RANBP2: variants seen among roughly 807,000 people sequenced by gnomAD.
The protein encoded by RANBP2 is E3 SUMO-protein ligase RanBP2.
A neutral mutation model predicts 303.6 loss-of-function variants in RANBP2; 57 were observed. The observed-to-expected ratio is 0.19, with a 90% CI of 0.15 to 0.23. RANBP2 has a LOEUF of 0.23. Ranked by LOEUF, RANBP2 falls within the 10% of genes least tolerant of loss-of-function variation. RANBP2 has a pLI of 1.00. For synonymous variants in RANBP2, 1,167 were observed against 1,301.5 expected (o/e 0.90, Z 2.23); for missense variants, 3,138 against 3,780.8 (o/e 0.83, Z 4.46).
the RANBP2 span, among the ~76,000 whole-genome samples, chr2:109,144,535 G>A: frequency 7.0e-3 from 1,070 of 152,340 alleles, 15 homozygotes; most frequent in African/African-American, 0.025. Flanking sequence ...TGAACGAGGT[G>A]AATATGAGGA....
the RANBP2 span, among the ~76,000 whole-genome samples, chr2:109,567,147 T>C: frequency 3.8e-4 from 58 of 152,296 alleles, no homozygotes; most frequent in Non-Finnish European, 5.6e-4. Flanking sequence ...GGTGACATCA[T>C]TTATCCCTCA....
At chr2:108,973,577 C>G in the RANBP2 span, among the ~76,000 whole-genome samples, 1 of 152,134 alleles carries the variant, frequency 6.6e-6, no homozygotes, top group Non-Finnish European at 1.5e-5. Flanking sequence ...CTCCTGGAAT[C>G]CTCAATGACT....
At chr2:109,423,739 T>A in the RANBP2 span, among the ~76,000 whole-genome samples, 1 of 152,110 alleles carries the variant, frequency 6.6e-6, no homozygotes, top group African/African-American at 2.4e-5. Context: ...GGCCCCATGG[T>A]CACCCCTTCC....
At chr2:109,178,646 T>A in the RANBP2 span, among the ~76,000 whole-genome samples, 2 of 152,230 alleles carry the variant, frequency 1.3e-5, no homozygotes, top group Admixed American at 6.5e-5. Flanking sequence ...GGCTTATTTA[T>A]GGATCATGCT....
the RANBP2 span, among the ~76,000 whole-genome samples, chr2:109,078,098 A>ATATATATATAGTGTG: frequency 3.3e-5 from 2 of 60,064 alleles, no homozygotes; most frequent in East Asian, 6.2e-4. Context: ...ATATATATAT[A>ATATATATATAGTGTG]TATATATATA....
chr2:109,623,739 G>T, the RANBP2 span, among the ~76,000 whole-genome samples: 1 of 152,270 alleles, frequency 6.6e-6, no homozygotes, highest in Non-Finnish European at 1.5e-5. Flanking sequence ...GCTTTGGTCC[G>T]TAATCAACCT....
rs1386958915 is a variant in RANBP2 at position 108,731,425 on chromosome 2, A to G, written c.356A>G (p.Glu119Gly). 2.0e-5 allele frequency: 32 copies of G among 1,611,594 alleles called. No homozygotes were observed. Among genetic ancestry groups the G allele is most frequent in the Non-Finnish European group, 2.7e-5 (32 of 1,179,590 alleles). ...VTDGRAKYWL[E>G]RAAKLFPGSP... ...GATGGAAGAGCAAAATACTGGCTTG[A>G]AAGAGCAGCCAAACTTTTCCCAGGA... The change falls in exon 4 of 29, where the codon GAA becomes GGA. Residue 119 changes from glutamate to glycine, a missense_variant. Glu to Gly is a moderately conservative substitution (Grantham distance 98, BLOSUM62 -2). Around this residue, in one of 20 missense-constraint regions of RANBP2, gnomAD observed 306 missense variants for 381.9 expected, o/e 0.80. Transcript: ENST00000283195.
At chr2:108,730,592 C>T (rs920119001) in intron 2 of RANBP2, among the ~76,000 whole-genome samples, 182 bp from the exon 3 acceptor site, 29 of 152,060 alleles carry the variant, frequency 1.9e-4, no homozygotes, top group African/African-American at 3.6e-4. Flanking sequence ...ACTCTATGTA[C>T]GTGTTTTTAA....
the RANBP2 span, among the ~76,000 whole-genome samples, chr2:109,009,409 C>T: frequency 2.6e-5 from 4 of 151,904 alleles, no homozygotes; most frequent in East Asian, 7.7e-4. Context: ...TAAGAGCAGT[C>T]TGGACTTCTG....
At chr2:109,623,889 C>G in the RANBP2 span, among the ~76,000 whole-genome samples, 14 of 152,144 alleles carry the variant, frequency 9.2e-5, no homozygotes, top group African/African-American at 3.4e-4. Context: ...CCCAGGAGAG[C>G]CCAGGATGGG....
At position 108,753,036 on chromosome 2, in the gene RANBP2, C is replaced by T. The variant is rs747297122; in HGVS notation, c.1794C>T (p.Tyr598=). The change falls in exon 13 of 29, where the codon TAC becomes TAT. Residue 598 remains tyrosine, a synonymous_variant. Transcript: ENST00000283195. ...GLNSFYDQRE[Y]IGRSVHYWKK... ...ATTCTTTTTATGATCAACGAGAATA[C>T]ATAGGGAGAAGTGTTCATTATTGGA... 6 of 1,609,570 alleles carry T rather than the reference C, an allele frequency of 3.7e-6. No homozygotes were observed. The African/African-American group carries it at 6.7e-5, about 18-fold the overall frequency.
chr2:109,649,976 A>G, the RANBP2 span, among the ~76,000 whole-genome samples: 1 of 152,236 alleles, frequency 6.6e-6, no homozygotes, highest in Non-Finnish European at 1.5e-5. Flanking sequence ...TTTACTAGAC[A>G]TAACGAAATG....
chr2:108,819,194 C>G, the RANBP2 span, among the ~76,000 whole-genome samples: 1 of 152,130 alleles, frequency 6.6e-6, no homozygotes, highest in East Asian at 1.9e-4. Flanking sequence ...AGTTGAGAAG[C>G]TGCAGCACTC....
At chr2:109,019,283 T>G in the RANBP2 span, among the ~76,000 whole-genome samples, 25 of 152,336 alleles carry the variant, frequency 1.6e-4, no homozygotes, top group African/African-American at 5.5e-4. Flanking sequence ...CCTCTGTGTG[T>G]GGTGCTGGTG....
chr2:109,529,473 A>C, the RANBP2 span, among the ~76,000 whole-genome samples: 1 of 152,154 alleles, frequency 6.6e-6, no homozygotes, highest in South Asian at 2.1e-4. Flanking sequence ...TGCACGGGGA[A>C]GGAGATAGCA....
At chr2:109,252,261 A>G in the RANBP2 span, among the ~76,000 whole-genome samples, 1 of 151,834 alleles carries the variant, frequency 6.6e-6, no homozygotes, top group Non-Finnish European at 1.5e-5. Context: ...GGAGAAAAAA[A>G]AAAAAAACTT....
At chr2:108,738,354 T>C (rs181898204) in intron 6 of RANBP2, among the ~76,000 whole-genome samples, 2,077 of 149,340 alleles carry the variant, frequency 0.014, 27 homozygotes, top group South Asian at 0.019. Flanking sequence ...GGATTACAGG[T>C]GTGAGCCACC....
chr2:109,553,740 G>C, the RANBP2 span, among the ~76,000 whole-genome samples: 3 of 151,764 alleles, frequency 2.0e-5, no homozygotes, highest in African/African-American at 7.3e-5. Context: ...TGTAGTCCCA[G>C]CTACACGGGA....
chr2:108,875,948 C>G, the RANBP2 span: 1 of 577,518 alleles, frequency 1.7e-6, no homozygotes, highest in Non-Finnish European at 3.0e-6. Flanking sequence ...GCATTCTAAT[C>G]TTTTAGTTGC....
Sources: gnomAD v4.1 joint callset for allele counts (sites outside exome capture counted in the v4.1 genomes callset) on GRCh38, gnomAD v4.1.1 for gene constraint, gnomAD v4.1.1 regional missense constraint, MANE v1.5 for transcripts, NCBI Gene and HGNC (gene_info 2026-07-23, HGNC 2026-07-21) for gene names.